The following KLF8 variants were observed in gnomAD, a reference collection of about 807,000 sequenced individuals.
KLF8 encodes KLF transcription factor 8.
Under a neutral mutation model 18.2 loss-of-function variants are expected in KLF8, and 10 were observed. The observed-to-expected ratio is 0.55, with a 90% CI of 0.34 to 0.93. KLF8 has a LOEUF of 0.93. Ranked by LOEUF, KLF8 falls within the 40% of genes least tolerant of loss-of-function variation. The pLI, the probability that KLF8 is intolerant of heterozygous loss-of-function variation, is 0.02. For missense variants in KLF8, 264 were observed against 277.9 expected, an observed-to-expected ratio of 0.95 and a Z score of 0.36; for synonymous variants, 109 against 97.3, an observed-to-expected ratio of 1.12 and a Z score of -0.71.
chrX:56,194,424 G>T, the KLF8 span, among the ~76,000 whole-genome samples: 40 of 112,145 alleles, frequency 3.6e-4, no homozygotes, highest in Non-Finnish European at 6.8e-4. Context: ...GCCTGGCTTG[G>T]CGAGTCCCAG....
chrX:56,048,298 T>C, the KLF8 span, among the ~76,000 whole-genome samples: 2 of 112,182 alleles, frequency 1.8e-5, no homozygotes, highest in African/African-American at 6.5e-5. Context: ...AATTTTGGCT[T>C]TTGTTGCCAT....
the KLF8 span, among the ~76,000 whole-genome samples, chrX:56,091,583 G>A: frequency 2.4e-4 from 26 of 109,025 alleles, no homozygotes; most frequent in African/African-American, 6.0e-4. Context: ...TGCAACCTCC[G>A]CCTCTCAGGT....
chrX:56,049,560 G>A, the KLF8 span, among the ~76,000 whole-genome samples: 1 of 105,808 alleles, frequency 9.5e-6, no homozygotes, highest in Non-Finnish European at 1.9e-5. Flanking sequence ...TTTATATGCT[G>A]GATTACATTT....
the KLF8 span, among the ~76,000 whole-genome samples, chrX:56,018,373 A>T: frequency 8.9e-6 from 1 of 112,045 alleles, no homozygotes; most frequent in African/African-American, 3.2e-5. Context: ...AACTATAAAT[A>T]AAAATATACT....
chrX:56,135,372 T>C, the KLF8 span, among the ~76,000 whole-genome samples: 3 of 111,210 alleles, frequency 2.7e-5, no homozygotes, highest in Non-Finnish European at 5.7e-5. Flanking sequence ...TATGCAGCCA[T>C]AAAAAATGAT....
the KLF8 span, among the ~76,000 whole-genome samples, chrX:55,971,667 G>A: frequency 3.6e-5 from 4 of 110,121 alleles, no homozygotes; most frequent in African/African-American, 1.3e-4. Flanking sequence ...ATATGACAAG[G>A]GATTAATAAC....
chrX:56,243,459 G>C, intron 1 of KLF8: 1 of 177,278 alleles, frequency 5.6e-6, no homozygotes, highest in Middle Eastern at 2.7e-3. Flanking sequence ...CTGCTGTGGT[G>C]GTGGTTCTTA....
the KLF8 span, among the ~76,000 whole-genome samples, chrX:56,014,182 A>G: frequency 3.6e-5 from 4 of 112,584 alleles, no homozygotes; most frequent in Admixed American, 9.4e-5. Flanking sequence ...AGAAACTATC[A>G]TCAGAGTAAA....
At position 56,265,660 on chromosome X, in the gene KLF8, G is replaced by A. The variant is rs140327143; in HGVS notation, c.562G>A (p.Val188Met). The change falls in exon 3 of 6, where the codon GTG (valine) becomes ATG (methionine). Residue 188 changes from valine to methionine, a missense_variant. Val to Met is a conservative substitution (Grantham distance 21). Transcript: ENST00000468660. ...IPVVVQSLPM[V>M]YTTLPADGGP... ...AGTGGTAGTGCAGTCTCTGCCCATGGTGTATACTACTTTGCCTGCAGATGG... is the reference window on the plus strand; with the variant it reads ...AGTGGTAGTGCAGTCTCTGCCCATGATGTATACTACTTTGCCTGCAGATGG... 272 of 1,208,697 alleles carry A rather than the reference G, an allele frequency of 2.3e-4. 3 individuals are homozygous for A. The Middle Eastern group carries it at 0.016, about 72-fold the overall frequency.
At chrX:55,919,526 C>T in the KLF8 span, among the ~76,000 whole-genome samples, 1 of 111,534 alleles carries the variant, frequency 9.0e-6, no homozygotes, top group Non-Finnish European at 1.9e-5. Flanking sequence ...GTGATGTTGG[C>T]GGGGGCATGG....
At chrX:56,006,580 G>A in the KLF8 span, among the ~76,000 whole-genome samples, 2 of 112,336 alleles carry the variant, frequency 1.8e-5, no homozygotes, top group Non-Finnish European at 3.8e-5. Context: ...TTGCAATTCT[G>A]TAATGATTAT....
At chrX:55,974,295 A>T in the KLF8 span, among the ~76,000 whole-genome samples, 7 of 111,341 alleles carry the variant, frequency 6.3e-5, no homozygotes, top group Non-Finnish European at 1.1e-4. Context: ...CACTTAGCAA[A>T]CCTGCACATG....
chrX:56,236,682 G>A (rs192042314), intron 1 of KLF8, among the ~76,000 whole-genome samples: 25 of 110,644 alleles, frequency 2.3e-4, no homozygotes, highest in African/African-American at 7.6e-4. Flanking sequence ...AATGCATTCC[G>A]CCTGGCTCAA....
the KLF8 span, among the ~76,000 whole-genome samples, chrX:56,108,188 G>A: frequency 2.7e-5 from 3 of 111,348 alleles, no homozygotes; most frequent in Non-Finnish European, 5.7e-5. Flanking sequence ...TAATGACAAT[G>A]CATTTTTTTT....
chrX:56,106,227 G>A, the KLF8 span, among the ~76,000 whole-genome samples: 2 of 111,115 alleles, frequency 1.8e-5, no homozygotes, highest in Non-Finnish European at 3.8e-5. Context: ...TATCTTTGTG[G>A]CATTCTATGT....
At chrX:56,045,739 T>G in the KLF8 span, among the ~76,000 whole-genome samples, 1 of 111,796 alleles carries the variant, frequency 8.9e-6, no homozygotes, top group Non-Finnish European at 1.9e-5. Context: ...AGCTACTGAT[T>G]TGTGTACATT....
chrX:56,133,174 T>A, the KLF8 span, among the ~76,000 whole-genome samples: 1 of 111,137 alleles, frequency 9.0e-6, no homozygotes, highest in African/African-American at 3.3e-5. Context: ...ATGAAGCCAG[T>A]AACAACCTAA....
At chrX:55,999,710 C>G in the KLF8 span, among the ~76,000 whole-genome samples, 1 of 111,040 alleles carries the variant, frequency 9.0e-6, no homozygotes, top group African/African-American at 3.3e-5. Flanking sequence ...TTTTTATTAC[C>G]TTTAATGAAT....
chrX:56,105,632 C>T, the KLF8 span, among the ~76,000 whole-genome samples: 3 of 108,865 alleles, frequency 2.8e-5, no homozygotes, highest in African/African-American at 3.4e-5. Flanking sequence ...CTCCTGAATA[C>T]AGCACACTGA....
Sources: allele counts gnomAD v4.1 joint callset (sites outside exome capture counted in the v4.1 genomes callset), GRCh38; gene constraint gnomAD v4.1.1; transcripts MANE v1.5; gene names NCBI Gene and HGNC (gene_info 2026-07-23, HGNC 2026-07-21).